Variants in PCDHGA2 observed in about 807,000 individuals in gnomAD.
PCDHGA2 encodes protocadherin gamma subfamily A, 2, also known as protocadherin gamma-A2.
In PCDHGA2, 40 loss-of-function variants were observed where a neutral mutation model predicts 59.2. The ratio of observed to expected loss-of-function variants is 0.68; its 90% confidence interval spans 0.52 to 0.88. The LOEUF is 0.88. Among genes scored for constraint, PCDHGA2 ranks in the 40% least tolerant of loss-of-function variants. PCDHGA2 has a pLI of 0.00. For missense variants in PCDHGA2, 1,226 were observed against 1,204.0 expected (o/e 1.02, Z -0.27); for synonymous variants, 560 against 526.0 (o/e 1.06, Z -0.89).
At chr5:141,348,295 C>A (rs1211454318) in intron 1 of PCDHGA2, among the ~76,000 whole-genome samples, 1 of 152,132 alleles carries the variant, frequency 6.6e-6, no homozygotes, top group Admixed American at 6.5e-5. Flanking sequence ...TGTATTCTCA[C>A]TGAAACATGG....
intron 1 of PCDHGA2, chr5:141,399,854 G>T (rs747617678): frequency 6.2e-7 from 1 of 1,612,904 alleles, no homozygotes; most frequent in Non-Finnish European, 8.5e-7. Flanking sequence ...ATGGTGCCGC[G>T]CGCTGCAGAG....
intron 1 of PCDHGA2, chr5:141,385,207 T>G: frequency 6.2e-7 from 1 of 1,614,226 alleles, no homozygotes; most frequent in Non-Finnish European, 8.5e-7. Flanking sequence ...TCACCTGATC[T>G]TCCCCCAGCC....
At chr5:141,352,638 A>G (rs1197774996) in intron 1 of PCDHGA2, 1 of 1,609,254 alleles carries the variant, frequency 6.2e-7, no homozygotes, top group South Asian at 1.1e-5. Flanking sequence ...GAAGATCACA[A>G]AATCGCTTAT....
intron 1 of PCDHGA2, among the ~76,000 whole-genome samples, chr5:141,461,985 G>C (rs894777268): frequency 2.6e-5 from 4 of 152,170 alleles, no homozygotes; most frequent in Non-Finnish European, 5.9e-5. Flanking sequence ...CACCACGCCA[G>C]GCTAATTTTG....
intron 1 of PCDHGA2, among the ~76,000 whole-genome samples, chr5:141,464,301 T>A (rs1237581605): frequency 6.6e-6 from 1 of 150,782 alleles, no homozygotes; most frequent in Non-Finnish European, 1.5e-5. Flanking sequence ...CTCCATTGTA[T>A]GTGCACATAT....
chr5:141,419,923 G>A, intron 1 of PCDHGA2: 4 of 1,614,088 alleles, frequency 2.5e-6, no homozygotes, highest in Non-Finnish European at 3.4e-6. Flanking sequence ...AGGCTGAGAT[G>A]CAGTTTTACC....
intron 1 of PCDHGA2, chr5:141,403,965 A>G: frequency 6.2e-7 from 1 of 1,613,864 alleles, no homozygotes; most frequent in Non-Finnish European, 8.5e-7. Flanking sequence ...ATTTCGGTGG[A>G]AGATGTAAAT....
Position 141,339,770 on chromosome 5 carries a change from A to G in PCDHGA2, c.799A>G (p.Thr267Ala). Reference protein sequence around the residue: ...VGTRILTVTATDADEGYYAQV... With the variant: ...VGTRILTVTAADADEGYYAQV... Reference sequence around the variant, plus strand: ...CACCCGGATACTCACGGTGACCGCCACTGACGCAGATGAGGGCTACTACGC... The same window carrying G: ...CACCCGGATACTCACGGTGACCGCCGCTGACGCAGATGAGGGCTACTACGC... Residue 267 changes from threonine to alanine, a missense_variant, in exon 1 of 4, where the codon ACT becomes GCT. Thr to Ala is a moderately conservative substitution (Grantham distance 58). Coordinates refer to ENST00000394576, the MANE Select transcript of PCDHGA2 (RefSeq NM_018915.4). The G allele has an allele frequency of 6.2e-7, 1 of 1,614,206 alleles. No individual in the cohort carries two copies. The highest frequency in any genetic ancestry group is 8.5e-7 in the Non-Finnish European group (1 of 1,180,040).
chr5:141,422,535 A>T lies in PCDHGA2; in HGVS notation c.2425-72272A>T, dbSNP rs760963618. On this transcript the variant is annotated intron_variant, in intron 1 of 3. Transcript: ENST00000394576. ...AGGGAAGCCCGCCTTTGTCTGCAGA[A>T]ACTCATGTCTGGCTGAATGTGGCAG... 20 of 1,613,826 alleles carry T rather than the reference A, an allele frequency of 1.2e-5. 1 individual carries two copies. Among genetic ancestry groups the T allele is most frequent in the Non-Finnish European group, 8.5e-7 (1 of 1,179,882 alleles).
rs2099615817 is a variant in PCDHGA2 at position 141,485,564 on chromosome 5, C to G, written c.2425-9243C>G. On this transcript the variant is annotated intron_variant, in intron 1 of 3. Coordinates refer to ENST00000394576, the MANE Select transcript of PCDHGA2 (RefSeq NM_018915.4). This position sits in a 1 kb window ranked among gnomAD's most constrained non-coding sequence, Gnocchi z 5.7. ...GATCGTAGATGTGAATGATCACGCCCCCCGTTTTCCGCGGCAGCAGCTGGA... is the reference window on the plus strand; with the variant it reads ...GATCGTAGATGTGAATGATCACGCCGCCCGTTTTCCGCGGCAGCAGCTGGA... 6.2e-7 allele frequency: 1 copy of G among 1,612,958 alleles called. No individual in the cohort carries two copies. The highest frequency in any genetic ancestry group is 8.5e-7 in the Non-Finnish European group (1 of 1,179,052).
In PCDHGA2 at chr5:141,361,444, A is replaced by G. The variant is rs750659023; in HGVS notation, c.2424+20049A>G. 4.3e-6 allele frequency: 7 copies of G among 1,613,988 alleles called. No individual in the cohort carries two copies. The Admixed American group carries it at 1.0e-4, about 23-fold the overall frequency. ...CAAGCCGCCCCTCTCCTCCAGCATA[A>G]TTGTCACCCTGCACATCTCCGACGT... On this transcript the variant is annotated intron_variant, in intron 1 of 3. Transcript: ENST00000394576.
At chr5:141,464,685 C>A (rs1283627323) in intron 1 of PCDHGA2, among the ~76,000 whole-genome samples, 1 of 152,006 alleles carries the variant, frequency 6.6e-6, no homozygotes, top group Non-Finnish European at 1.5e-5. Flanking sequence ...ATTAAAATTT[C>A]TCTTATTATG....
chr5:141,345,352 T>A (rs759545017), intron 1 of PCDHGA2: 108 of 1,613,876 alleles, frequency 6.7e-5, no homozygotes, highest in Middle Eastern at 3.3e-4. Flanking sequence ...CACATCACCC[T>A]GCATGTGATT....
At chr5:141,409,039 C>A (rs2095214342) in intron 1 of PCDHGA2, 1 of 1,614,004 alleles carries the variant, frequency 6.2e-7, no homozygotes, top group Non-Finnish European at 8.5e-7. Flanking sequence ...AGATAAACTA[C>A]TACTTCCGAA....
intron 1 of PCDHGA2, chr5:141,399,985 G>A (rs775731140): frequency 6.2e-7 from 1 of 1,612,396 alleles, no homozygotes; most frequent in South Asian, 1.1e-5. Flanking sequence ...GCTGCGCACA[G>A]GAGAGGTGCG....
intron 1 of PCDHGA2, among the ~76,000 whole-genome samples, chr5:141,463,205 A>T (rs2099054933): frequency 6.6e-6 from 1 of 152,080 alleles, no homozygotes; most frequent in Non-Finnish European, 1.5e-5. Context: ...AGACTTGGGG[A>T]TCCATATTAA....
At chr5:141,497,143 GA>G (rs928640875) in intron 2 of PCDHGA2, among the ~76,000 whole-genome samples, 7 of 149,992 alleles carry the variant, frequency 4.7e-5, no homozygotes, top group African/African-American at 9.8e-5. Context: ...CTGAGATCAC[GA>G]AAAAAAAATA....
intron 1 of PCDHGA2, chr5:141,355,137 T>C: frequency 6.6e-7 from 1 of 1,524,866 alleles, no homozygotes; most frequent in Non-Finnish European, 8.8e-7. Context: ...CAGAAGATCC[T>C]GGGGCTCCTC....
chr5:141,369,441 A>T (rs1766249196), intron 1 of PCDHGA2, among the ~76,000 whole-genome samples: 1 of 152,152 alleles, frequency 6.6e-6, no homozygotes, highest in African/African-American at 2.4e-5. Flanking sequence ...CTGAGGTGGG[A>T]GGATTGCTTA....
Sources: gnomAD v4.1 joint callset for allele counts (sites outside exome capture counted in the v4.1 genomes callset) on GRCh38, gnomAD v4.1.1 for gene constraint, Gnocchi (gnomAD v3.1) non-coding constraint, MANE v1.5 for transcripts, NCBI Gene and HGNC (gene_info 2026-07-23, HGNC 2026-07-21) for gene names.